Variants in CUL7 observed in about 807,000 individuals in gnomAD.
CUL7 encodes cullin-7.
Under a neutral mutation model 177.7 loss-of-function variants are expected in CUL7, and 96 were observed. The observed-to-expected ratio is 0.54, with a 90% confidence interval of 0.46 to 0.64. The LOEUF (loss-of-function observed/expected upper bound fraction) is 0.64, where lower values mean the gene tolerates loss of function less well. Among genes scored for constraint, CUL7 ranks in the 30% least tolerant of loss-of-function variants. The pLI is 0.00. For synonymous variants in CUL7, 824 were observed against 890.2 expected (o/e 0.93, Z 1.32); for missense variants, 1,893 against 2,187.9 (o/e 0.87, Z 2.69).
chr6:43,038,174 G>C lies in CUL7; in HGVS notation c.4773+93C>G, dbSNP rs1033284439. ...CTCCTACAGGCTACACAGTGAACCA[G>C]GTGCCTCACCACACGTGCACCCACC... On this transcript the variant is annotated intron_variant, in intron 25 of 25. Transcript: ENST00000265348. 6 of 1,515,540 alleles carry C rather than the reference G, an allele frequency of 4.0e-6. No homozygotes were observed. In the South Asian group the frequency reaches 5.9e-5, roughly 15 times the overall value. 93.9% of individuals were successfully genotyped at this position (1,515,540 alleles called of 1,614,324 possible).
In CUL7 at chr6:43,037,731, T is replaced by C. The variant is rs1490972443; in HGVS notation, c.5054A>G (p.Tyr1685Cys). 4 of 1,567,292 alleles carry C rather than the reference T, an allele frequency of 2.6e-6. No homozygotes were observed. Among genetic ancestry groups the C allele is most frequent in the Admixed American group, 1.9e-5 (1 of 52,334 alleles). The part of the protein sequence containing the change: ...TLQIRSRGVP[Y>C]ASCTATQSFS... ...GCTCTGGGTGGCAGTGCAGGAGGCA[T>C]AGGGCACACCCCGGGAGCGAATCTG... The change falls in exon 26 of 26, where the codon TAT becomes TGT. Residue 1685 changes from tyrosine to cysteine, a missense_variant. Around this residue, in one of 5 missense-constraint regions of CUL7, gnomAD observed 248 missense variants for 262.5 expected, o/e 0.94. Coordinates refer to ENST00000265348, the MANE Select transcript of CUL7 (RefSeq NM_014780.5).
At position 43,043,228 on chromosome 6, in the gene CUL7, C is replaced by T. The variant is rs748134490; in HGVS notation, c.3356-48G>A. ...AGAGGCAAGGAGGGTGCAGCCCCTC[C>T]ACTCCCAAGTCCCCATCCAAGGGGG... On this transcript the variant is annotated intron_variant, in intron 17 of 25. Transcript: ENST00000265348. The surrounding 1 kb of genome is among the most constrained non-coding windows in gnomAD (Gnocchi z 4.2). 2 of 1,489,664 alleles carry T rather than the reference C, an allele frequency of 1.3e-6. No homozygotes were observed. Among genetic ancestry groups the T allele is most frequent in the South Asian group, 2.3e-5 (2 of 87,586 alleles). The allele number at this position is 1,489,664 out of a possible 1,614,324, so 92.3% of individuals were successfully genotyped here.
chr6:43,049,976 T>G lies in CUL7; in HGVS notation c.1556A>C (p.Asn519Thr). The G allele has an allele frequency of 1.9e-6, 3 of 1,614,104 alleles. No individual in the cohort carries two copies. The highest frequency in any genetic ancestry group is 2.5e-6 in the Non-Finnish European group (3 of 1,180,010). Reference sequence around the variant, plus strand: ...GGCTGGCTCTACCTCCCCATCTAGGTTCTCCTGGAGGATCTGGAGAACCTC... The same window carrying G: ...GGCTGGCTCTACCTCCCCATCTAGGGTCTCCTGGAGGATCTGGAGAACCTC... The part of the protein sequence containing the change: ...HQEVLQILQE[N>T]LDGEILDDEI... The change falls in exon 6 of 26, where the codon AAC becomes ACC. Residue 519 changes from asparagine to threonine, a missense_variant. Physicochemically the swap from Asn to Thr is moderately conservative, Grantham distance 65 (BLOSUM62 0). Coordinates refer to ENST00000265348, the MANE Select transcript of CUL7 (RefSeq NM_014780.5).
intron 22 of CUL7, among the ~76,000 whole-genome samples, chr6:43,039,410 A>G (rs1483572302): frequency 6.6e-6 from 1 of 152,208 alleles, no homozygotes; most frequent in Non-Finnish European, 1.5e-5. Flanking sequence ...CTCAGGGATC[A>G]GCCCCCGATG....
At chr6:43,041,806 C>T (rs1443221719) in intron 19 of CUL7, among the ~76,000 whole-genome samples, 1 of 151,612 alleles carries the variant, frequency 6.6e-6, no homozygotes, top group African/African-American at 2.4e-5. Flanking sequence ...GAGTTCGAGA[C>T]CAGCCTGACC....
In CUL7 at chr6:43,051,570, C is replaced by T; in HGVS notation, c.732+42G>A. ...AGGTGCAAAGGCCTGGACCCTAGAT[C>T]TTGTTCACAAGTTCCCCCCACCTTA... On this transcript the variant is annotated intron_variant, in intron 3 of 25. Transcript: ENST00000265348. The surrounding 1 kb of genome is among the most constrained non-coding windows in gnomAD (Gnocchi z 5.0). The T allele has an allele frequency of 6.2e-7, 1 of 1,614,108 alleles. No homozygotes were observed. Among genetic ancestry groups the T allele is most frequent in the Non-Finnish European group, 8.5e-7 (1 of 1,180,016 alleles).
chr6:43,046,928 G>A lies in CUL7; in HGVS notation c.2349C>T (p.Ala783=), dbSNP rs763703501. The part of the protein sequence containing the change: ...RDMVFKCEKH[A]HLYRKLITNI... Reference sequence around the variant, plus strand: ...TGGTGATGAGTTTGCGGTAGAGGTGGGCATGCTTCTCACACTTGAACACCA... The same window carrying A: ...TGGTGATGAGTTTGCGGTAGAGGTGAGCATGCTTCTCACACTTGAACACCA... The change falls in exon 10 of 26, where the codon GCC becomes GCT. Residue 783 remains alanine, a synonymous_variant. Coordinates refer to ENST00000265348, the MANE Select transcript of CUL7 (RefSeq NM_014780.5). 5.6e-6 allele frequency: 9 copies of A among 1,612,968 alleles called. No individual in the cohort carries two copies. Among genetic ancestry groups the A allele is most frequent in the African/African-American group, 4.0e-5 (3 of 74,842 alleles).
rs1763628459 is a variant in CUL7, at chr6:43,043,503, C to T, written c.3300G>A (p.Leu1100=). 3 of 1,613,984 alleles carry T rather than the reference C, an allele frequency of 1.9e-6. No individual in the cohort carries two copies. In the Admixed American group the frequency reaches 5.0e-5, roughly 27 times the overall value. Residue 1100 remains leucine (L), a synonymous_variant, in exon 17 of 26, where the codon CTG becomes CTA. Transcript: ENST00000265348. This position sits in a 1 kb window ranked among gnomAD's most constrained non-coding sequence, Gnocchi z 4.2. ...GTGCCTCACAGGGCTCGACATGCAC[C>T]AGCAGGTGAGTGAGACGGCGCACCC... is the stretch of plus-strand genomic sequence containing the variant. ...FSRVRRLTHL[L]VHVEPCEAPP... is the part of the protein sequence containing the mutation.
At chr6:43,038,760 A>C in intron 23 of CUL7, 68 bp from the exon 24 acceptor site, 4 of 1,612,502 alleles carry the variant, frequency 2.5e-6, no homozygotes, top group Non-Finnish European at 3.4e-6. Context: ...TGGAGGGAAG[A>C]AGCAGAGGGA....
rs751681083 is a variant in CUL7 at position 43,046,584 on chromosome 6, G to C, written c.2415C>G (p.Ile805Met). ...GTTGGTGGGTTCGTCTGTGGTCTTC[G>C]ATCTGGCCCAGCACCATCTGCAGCC... ...GGCIQMVLGQ[I>M]EDHRRTHQPI... Residue 805 changes from isoleucine (I) to methionine (M), a missense_variant, in exon 11 of 26, where the codon ATC becomes ATG. Physicochemically the swap from Ile to Met is conservative, Grantham distance 10. This residue lies in a region of CUL7 where 973 missense variants were observed against 1,140.9 expected (regional missense o/e 0.85). Coordinates refer to ENST00000265348, the MANE Select transcript of CUL7 (RefSeq NM_014780.5). 1.2e-6 allele frequency: 2 copies of C among 1,613,990 alleles called. No individual in the cohort carries two copies. Among genetic ancestry groups the C allele is most frequent in the Non-Finnish European group, 1.7e-6 (2 of 1,180,014 alleles).
At chr6:43,047,462 C>T (rs992781742) in intron 9 of CUL7, among the ~76,000 whole-genome samples, 4 of 152,318 alleles carry the variant, frequency 2.6e-5, no homozygotes, top group South Asian at 2.1e-4. Context: ...CAGGCACAGA[C>T]ACCTGGATGG....
In CUL7 at chr6:43,048,463, T is replaced by G. The variant is rs769592744; in HGVS notation, c.1932A>C (p.Ser644=). 16 of 1,613,932 alleles carry G rather than the reference T, an allele frequency of 9.9e-6. No homozygotes were observed. Among genetic ancestry groups the G allele is most frequent in the Non-Finnish European group, 1.4e-5 (16 of 1,179,936 alleles). ...TGACCTTGTTCTCCTGGGTCCCCTC[T>G]GAGCTGAGGGCTTGCTCTAGATCCA... ...ILLDLEQALS[S]EGTQENKVKP... is the part of the protein sequence containing the mutation. Residue 644 remains serine, a synonymous_variant, in exon 8 of 26, where the codon TCA becomes TCC. Transcript: ENST00000265348.
chr6:43,046,902 T>C lies in CUL7; in HGVS notation c.2375A>G (p.Asn792Ser). The change falls in exon 10 of 26, where the codon AAC becomes AGC. Residue 792 changes from asparagine to serine, a missense_variant. Coordinates refer to ENST00000265348, the MANE Select transcript of CUL7 (RefSeq NM_014780.5). The stretch of plus-strand genomic sequence containing the variant: ...GACCTGGATGCAGCCTCCCAGGATG[T>C]TGGTGATGAGTTTGCGGTAGAGGTG... The part of the protein sequence containing the change: ...HAHLYRKLIT[N>S]ILGGCIQMVL... 6.2e-7 allele frequency: 1 copy of C among 1,607,778 alleles called. No homozygotes were observed. Among genetic ancestry groups the C allele is most frequent in the Non-Finnish European group, 8.5e-7 (1 of 1,174,292 alleles).
chr6:43,049,334 A>T (rs1000651063), intron 7 of CUL7, 73 bp downstream of exon 7: 1 of 1,602,718 alleles, frequency 6.2e-7, no homozygotes, highest in African/African-American at 1.3e-5. Flanking sequence ...ATTGCATAAA[A>T]ATCAGCACAG....
At chr6:43,039,071 CTGTT>C (rs1763194656) in intron 22 of CUL7, 84 bp from the exon 23 acceptor site, 5 of 880,122 alleles carry the variant, frequency 5.7e-6, no homozygotes, top group Non-Finnish European at 9.5e-6. Flanking sequence ...TGGTCACGCT[CTGTT>C]TATCTCTGCA....
At position 43,053,824 on chromosome 6, in the gene CUL7, G is replaced by T; in HGVS notation, c.-211C>A. 2 of 1,532,952 alleles carry T rather than the reference G, an allele frequency of 1.3e-6. No individual in the cohort carries two copies. Among genetic ancestry groups the T allele is most frequent in the Non-Finnish European group, 1.7e-6 (2 of 1,146,282 alleles). The allele number at this position is 1,532,952 out of a possible 1,614,324, so 95.0% of individuals were successfully genotyped here. The stretch of plus-strand genomic sequence containing the variant: ...TGGGGCAGGGTGGGGCCCGGTCCCT[G>T]CCAGCGGCTCCGCCAGCCAAAAGCC... On this transcript the variant is annotated 5_prime_UTR_variant, in exon 1 of 26. Transcript: ENST00000265348. This position sits in a 1 kb window ranked among gnomAD's most constrained non-coding sequence, Gnocchi z 4.1.
Position 43,051,176 on chromosome 6 carries a change from A to C in CUL7, c.1025T>G (p.Leu342Arg). 1 of 1,614,122 alleles carries C rather than the reference A, an allele frequency of 6.2e-7. No individual in the cohort carries two copies. The highest frequency in any genetic ancestry group is 8.5e-7 in the Non-Finnish European group (1 of 1,180,012). The change falls in exon 4 of 26, where the codon CTC (leucine) becomes CGC (arginine). Residue 342 changes from leucine (L) to arginine (R), a missense_variant. Physicochemically the swap from Leu to Arg is moderately radical, Grantham distance 102. Around this residue, in one of 5 missense-constraint regions of CUL7, gnomAD observed 653 missense variants for 725.2 expected, o/e 0.90. Coordinates refer to ENST00000265348, the MANE Select transcript of CUL7 (RefSeq NM_014780.5). This position sits in a 1 kb window ranked among gnomAD's most constrained non-coding sequence, Gnocchi z 5.0. The stretch of plus-strand genomic sequence containing the variant: ...GGAGGGCTGAGCCTGGGCAGCGGGG[A>C]GCCCTGGGCTCACATCTGCCAGCTG... ...QPQLADVSPG[L>R]PAAQAQPSFR...
In CUL7 at chr6:43,043,656, G is replaced by A. The variant is rs1275176142; in HGVS notation, c.3173-26C>T. On this transcript the variant is annotated intron_variant, in intron 16 of 25. Coordinates refer to ENST00000265348, the MANE Select transcript of CUL7 (RefSeq NM_014780.5). The surrounding 1 kb of genome is among the most constrained non-coding windows in gnomAD (Gnocchi z 4.2). ...CTAGAGGGTGAGATAAACAAACCAA[G>A]GCACAGCCATGTCTGCAGGGAAGTG... 1 of 1,515,374 alleles carries A rather than the reference G, an allele frequency of 6.6e-7. No individual in the cohort carries two copies. Among genetic ancestry groups the A allele is most frequent in the Admixed American group, 1.9e-5 (1 of 53,640 alleles). The allele number at this position is 1,515,374 out of a possible 1,614,324, so 93.9% of individuals were successfully genotyped here.
In CUL7 at chr6:43,053,223, G is replaced by A. The variant is rs1764585837; in HGVS notation, c.-9+399C>T. On this transcript the variant is annotated intron_variant, in intron 1 of 25. Transcript: ENST00000265348. The surrounding 1 kb of genome is among the most constrained non-coding windows in gnomAD (Gnocchi z 4.1). ...AGGGGTGCTGTCTCTAAGGATTGGA[G>A]CATGGGAGTGCGAGACCCAAGTTAA... is the stretch of plus-strand genomic sequence containing the variant. 2.0e-5 allele frequency among the ~76,000 whole-genome samples: 3 copies of A among 152,162 alleles called. No individual in the cohort carries two copies. Among genetic ancestry groups the A allele is most frequent in the African/African-American group, 7.2e-5 (3 of 41,436 alleles).
Sources: gnomAD v4.1 joint callset for allele counts (sites outside exome capture counted in the v4.1 genomes callset) on GRCh38, gnomAD v4.1.1 for gene constraint, gnomAD v4.1.1 regional missense constraint, Gnocchi (gnomAD v3.1) non-coding constraint, MANE v1.5 for transcripts, NCBI Gene and HGNC (gene_info 2026-07-23, HGNC 2026-07-21) for gene names.